Variants in ATP8A1 observed in about 807,000 individuals in gnomAD.
The protein encoded by ATP8A1 is phospholipid-transporting ATPase IA.
ATP8A1 carries 90 observed loss-of-function variants against 177.7 expected under a neutral mutation model. The observed-to-expected ratio is 0.51, with a 90% CI of 0.43 to 0.60. The LOEUF (loss-of-function observed/expected upper bound fraction) is 0.60, where lower values mean the gene tolerates loss of function less well. Ranked by LOEUF, ATP8A1 falls within the 20% of genes least tolerant of loss-of-function variation. ATP8A1 has a pLI of 0.00. For synonymous variants in ATP8A1, 493 were observed against 485.9 expected, an observed-to-expected ratio of 1.01 and a Z score of -0.19; for missense variants, 1,072 against 1,392.8, an observed-to-expected ratio of 0.77 and a Z score of 3.67.
intron 6 of ATP8A1, among the ~76,000 whole-genome samples, chr4:42,593,247 C>T (rs1028139052): frequency 3.3e-5 from 5 of 152,100 alleles, no homozygotes; most frequent in East Asian, 1.9e-4. Context: ...ATTCTGAAGA[C>T]GCCAAGAATG....
In ATP8A1 at chr4:42,524,816, G is replaced by A. The variant is rs761503447; in HGVS notation, c.1754C>T (p.Thr585Met). 33 of 1,608,876 alleles carry A rather than the reference G, an allele frequency of 2.1e-5. No homozygotes were observed. The highest frequency in any genetic ancestry group is 1.7e-4 in the Middle Eastern group (1 of 6,060). Residue 585 changes from threonine to methionine, a missense_variant, in exon 21 of 37, where the codon ACG (threonine) becomes ATG (methionine). Transcript: ENST00000381668. ...TAGGGTAATTTCTTTGTATTTTGAC[G>A]TCTCTGCCAGTCGATCATAAATTAC... ...DTVIYDRLAE[T>M]SKYKEITLKH...
chr4:42,606,243 T>C (rs1251782529), intron 5 of ATP8A1, among the ~76,000 whole-genome samples: 2 of 152,202 alleles, frequency 1.3e-5, no homozygotes, highest in Non-Finnish European at 2.9e-5. Context: ...GCAAAGGATA[T>C]GGTACAGCAG....
At chr4:42,631,195 A>G (rs1488827190) in intron 1 of ATP8A1, among the ~76,000 whole-genome samples, 1 of 152,170 alleles carries the variant, frequency 6.6e-6, no homozygotes, top group African/African-American at 2.4e-5. Context: ...CCCTTGTTAC[A>G]TGGTAAGTTA....
At chr4:42,577,732 A>G (rs1709757424) in intron 12 of ATP8A1, among the ~76,000 whole-genome samples, 1 of 152,154 alleles carries the variant, frequency 6.6e-6, no homozygotes, top group Admixed American at 6.5e-5. Context: ...AGTGAAGCTA[A>G]AATTGTTTAC....
chr4:42,603,043 A>G (rs1331188754), intron 5 of ATP8A1, among the ~76,000 whole-genome samples: 1 of 152,042 alleles, frequency 6.6e-6, no homozygotes, highest in Non-Finnish European at 1.5e-5. Flanking sequence ...AATTATCCCA[A>G]TAGTAATACT....
In ATP8A1 at chr4:42,586,730, A is replaced by C. The variant is rs144358033; in HGVS notation, c.595-254T>G. On this transcript the variant is annotated intron_variant, in intron 8 of 36. Transcript: ENST00000381668. ...TTTAGGAGACTATAAGCTAGTCTAC[A>C]AAGATAATTTGAAGTCAGTCCCCAA... is the stretch of plus-strand genomic sequence containing the variant. Among the ~76,000 whole-genome samples, 6 of 152,376 alleles carry C rather than the reference A, an allele frequency of 3.9e-5. No individual in the cohort carries two copies. In the East Asian group the frequency reaches 1.2e-3, roughly 29 times the overall value.
chr4:42,611,426 G>C (rs1736361418), intron 5 of ATP8A1, among the ~76,000 whole-genome samples: 1 of 152,046 alleles, frequency 6.6e-6, no homozygotes, highest in South Asian at 2.1e-4. Flanking sequence ...TTTAACTATA[G>C]CATCAAACCA....
chr4:42,618,925 C>A (rs141096242), intron 4 of ATP8A1, among the ~76,000 whole-genome samples: 1 of 152,316 alleles, frequency 6.6e-6, no homozygotes, highest in African/African-American at 2.4e-5. Flanking sequence ...CCATTTTCTA[C>A]TGTTAAGCCA....
chr4:42,450,524 C>T (rs1369283750), intron 30 of ATP8A1, among the ~76,000 whole-genome samples: 1 of 152,230 alleles, frequency 6.6e-6, no homozygotes, highest in Non-Finnish European at 1.5e-5. Context: ...AACTAACTCA[C>T]TGTAATTCTC....
rs1354247463 is a variant in ATP8A1, at chr4:42,636,158, G to GCA, written c.50-9051_50-9050dup. On this transcript the variant is annotated intron_variant, in intron 1 of 36. Transcript: ENST00000381668. ...CACACACACACACACACACACACAC[G>GCA]CACACACACACACATAAGCTTCTTA... Among the ~76,000 whole-genome samples the GCA allele has an allele frequency of 6.7e-4, 16 of 23,768 alleles. 1 individual carries two copies. The highest frequency in any genetic ancestry group is 0.059 in the Middle Eastern group (2 of 34). 15.6% of individuals were successfully genotyped at this position (23,768 alleles called of 152,430 possible).
intron 23 of ATP8A1, 119 bp from the exon 24 acceptor site, chr4:42,503,633 C>T: frequency 3.2e-6 from 2 of 626,624 alleles, no homozygotes; most frequent in Non-Finnish European, 5.2e-6. Flanking sequence ...CTGAGGGCAA[C>T]CAGTTGTTTT....
chr4:42,531,472 G>C (rs1428672071), intron 20 of ATP8A1, among the ~76,000 whole-genome samples: 1 of 152,146 alleles, frequency 6.6e-6, no homozygotes. Flanking sequence ...ATATTGAAAA[G>C]GGAAAAGCTG....
chr4:42,594,382 T>C (rs1734508215), intron 6 of ATP8A1: 1 of 1,358,588 alleles, frequency 7.4e-7, no homozygotes, highest in Non-Finnish European at 1.1e-6. Context: ...AACTGGGAAT[T>C]GGTTAATTAT....
At chr4:42,551,162 T>C (rs999161980) in intron 18 of ATP8A1, 36 bp downstream of exon 18, 1 of 1,520,530 alleles carries the variant, frequency 6.6e-7, no homozygotes, top group East Asian at 2.3e-5. Context: ...AATGTATTAC[T>C]TGGATTAAAA....
intron 35 of ATP8A1, among the ~76,000 whole-genome samples, chr4:42,418,279 T>G (rs1361611396): frequency 6.6e-6 from 1 of 152,182 alleles, no homozygotes; most frequent in African/African-American, 2.4e-5. Flanking sequence ...GCTAAAATTC[T>G]ATTTAGTAAT....
At chr4:42,563,359 G>A (rs1731035736) in intron 15 of ATP8A1, among the ~76,000 whole-genome samples, 1 of 152,192 alleles carries the variant, frequency 6.6e-6, no homozygotes, top group South Asian at 2.1e-4. Context: ...AAGCAGCAAA[G>A]CATTCAATAG....
chr4:42,524,882 A>T, intron 20 of ATP8A1, 35 bp from the exon 21 acceptor site: 1 of 1,443,018 alleles, frequency 6.9e-7, no homozygotes, highest in African/African-American at 1.4e-5. Flanking sequence ...TGATTTAATT[A>T]AGCATTCTGG....
At position 42,436,320 on chromosome 4, in the gene ATP8A1, C is replaced by T. The variant is rs529868243; in HGVS notation, c.3123+7245G>A. Among the ~76,000 whole-genome samples the T allele has an allele frequency of 1.6e-4, 8 of 50,592 alleles. No homozygotes were observed. In the East Asian group the frequency reaches 2.3e-3, roughly 15 times the overall value. The allele number at this position is 50,592 out of a possible 152,430, so 33.2% of individuals were successfully genotyped here. Reference sequence around the variant, plus strand: ...CAGGCCCTGGCACACATTAGACGCTCGATCTACACTTGCCGTATATTGCAG... The same window carrying T: ...CAGGCCCTGGCACACATTAGACGCTTGATCTACACTTGCCGTATATTGCAG... On this transcript the variant is annotated intron_variant, in intron 33 of 36. Transcript: ENST00000381668.
chr4:42,580,941 T>C (rs1462230594), intron 10 of ATP8A1, among the ~76,000 whole-genome samples: 1 of 152,210 alleles, frequency 6.6e-6, no homozygotes, highest in Non-Finnish European at 1.5e-5. Context: ...GATAGAAATT[T>C]AAAAAGTTGA....
Sources: gnomAD v4.1 joint callset for allele counts (sites outside exome capture counted in the v4.1 genomes callset) on GRCh38, gnomAD v4.1.1 for gene constraint, MANE v1.5 for transcripts, NCBI Gene and HGNC (gene_info 2026-07-23, HGNC 2026-07-21) for gene names.